EIF2AK4: variants seen among roughly 807,000 people sequenced by gnomAD.
EIF2AK4 encodes eIF-2-alpha kinase GCN2.
Under a neutral mutation model 211.1 loss-of-function variants are expected in EIF2AK4, and 139 were observed. That is an observed-to-expected ratio of 0.66 (90% CI 0.57 to 0.76). EIF2AK4 has a LOEUF of 0.76. Among genes scored for constraint, EIF2AK4 ranks in the 30% least tolerant of loss-of-function variants. The pLI, the probability that EIF2AK4 is intolerant of heterozygous loss-of-function variation, is 0.00. For missense variants in EIF2AK4, 1,664 were observed against 2,043.8 expected, an observed-to-expected ratio of 0.81 and a Z score of 3.58; for synonymous variants, 710 against 751.3, an observed-to-expected ratio of 0.94 and a Z score of 0.90.
At chr15:39,995,621 A>G (rs2035008393) in intron 18 of EIF2AK4, among the ~76,000 whole-genome samples, 1 of 151,260 alleles carries the variant, frequency 6.6e-6, no homozygotes, top group Non-Finnish European at 1.5e-5. Context: ...TCAATTATTT[A>G]ATAGTTATCT....
chr15:40,014,181 C>T (rs1380429858), intron 27 of EIF2AK4, among the ~76,000 whole-genome samples: 3 of 152,230 alleles, frequency 2.0e-5, no homozygotes, highest in African/African-American at 7.2e-5. Flanking sequence ...TGGCCTTGGG[C>T]AGCTCCCCAC....
intron 11 of EIF2AK4, chr15:39,974,428 T>A (rs1478867391): frequency 1.3e-5 from 2 of 152,194 alleles, no homozygotes; most frequent in Non-Finnish European, 2.9e-5. Context: ...TAACCCACCA[T>A]CAACTGAGTA....
intron 18 of EIF2AK4, among the ~76,000 whole-genome samples, chr15:39,995,723 G>A (rs2140930927): frequency 6.6e-6 from 1 of 151,252 alleles, no homozygotes; most frequent in East Asian, 1.9e-4. Context: ...CCTAGCTTAT[G>A]GAGGTATGAT....
At chr15:40,032,666 C>T in intron 36 of EIF2AK4, 91 bp from the exon 37 acceptor site, 1 of 1,201,002 alleles carries the variant, frequency 8.3e-7, no homozygotes, top group Non-Finnish European at 1.2e-6. Flanking sequence ...CTCTGCAAAC[C>T]CTATTCATAC....
chr15:39,951,127 TAAG>T (rs1322981856), intron 4 of EIF2AK4, among the ~76,000 whole-genome samples: 1 of 152,154 alleles, frequency 6.6e-6, no homozygotes, highest in Non-Finnish European at 1.5e-5. Flanking sequence ...TCAGGAATAA[TAAG>T]AGAATTTTTT....
chr15:39,957,724 C>T (rs1015891543), intron 6 of EIF2AK4, among the ~76,000 whole-genome samples: 2 of 152,198 alleles, frequency 1.3e-5, no homozygotes, highest in African/African-American at 4.8e-5. Flanking sequence ...GCCTGGTCAA[C>T]ATCTGATGCA....
intron 7 of EIF2AK4, among the ~76,000 whole-genome samples, chr15:39,964,324 G>A (rs1314182647): frequency 1.3e-5 from 2 of 152,188 alleles, no homozygotes; most frequent in Non-Finnish European, 2.9e-5. Flanking sequence ...TATGAAGATA[G>A]TATAGCATCA....
In EIF2AK4 at chr15:39,976,752, C is replaced by A. The variant is rs188526490; in HGVS notation, c.2157C>A (p.Ala719=). 5.2e-5 allele frequency: 83 copies of A among 1,599,106 alleles called. No homozygotes were observed. The African/African-American group carries it at 1.0e-3, about 20-fold the overall frequency. Residue 719 remains alanine, a synonymous_variant, in exon 12 of 39, where the codon GCC becomes GCA. Transcript: ENST00000263791. ...VEWSTSGERS[A]SARFPATGPG... is the part of the protein sequence containing the mutation. Reference sequence around the variant, plus strand: ...GGAGCACTTCGGGCGAGCGCTCGGCCAGTGCCCGTTTCCCCGCCACCGGCC... The same window carrying A: ...GGAGCACTTCGGGCGAGCGCTCGGCAAGTGCCCGTTTCCCCGCCACCGGCC...
intron 5 of EIF2AK4, 91 bp from the exon 6 acceptor site, chr15:39,955,529 T>C (rs747267745): frequency 7.6e-7 from 1 of 1,311,236 alleles, no homozygotes; most frequent in Non-Finnish European, 1.0e-6. Context: ...AGCTTAAAAT[T>C]TGCATTCTAT....
chr15:39,934,242 C>G lies in EIF2AK4; in HGVS notation c.47C>G (p.Pro16Arg), dbSNP rs922734815. 1 of 1,607,374 alleles carries G rather than the reference C, an allele frequency of 6.2e-7. No individual in the cohort carries two copies. The highest frequency in any genetic ancestry group is 8.5e-7 in the Non-Finnish European group (1 of 1,177,392). ...CCCGGGCGCGGCCGGGACGAGCCTC[C>G]GGAGAGCTACCCGCAACGACAGGAC... ...GAPGRGRDEPPESYPQRQDHE... is the reference protein window; with the variant it reads ...GAPGRGRDEPRESYPQRQDHE... Residue 16 changes from proline (P) to arginine (R), a missense_variant, in exon 1 of 39, where the codon CCG becomes CGG. Around this residue, in one of 7 missense-constraint regions of EIF2AK4, gnomAD observed 641 missense variants for 729.6 expected, o/e 0.88. Transcript: ENST00000263791.
chr15:39,997,063 G>A lies in EIF2AK4; in HGVS notation c.2866G>A (p.Asp956Asn). The change falls in exon 19 of 39, where the codon GAT (aspartate) becomes AAT (asparagine). Residue 956 changes from aspartate (D) to asparagine (N), a missense_variant and splice_region_variant. Physicochemically the swap from Asp to Asn is conservative, Grantham distance 23. Transcript: ENST00000263791. ...GATCTTTGTTCTCAACCAACTCAGA[G>A]ATGTATGTATCAGGTGTTTTAGTGC... ...ERIFVLNQLR[D>N]PTSPKFPEDF... 1 of 1,608,336 alleles carries A rather than the reference G, an allele frequency of 6.2e-7. No individual in the cohort carries two copies.
chr15:39,949,416 A>G, intron 4 of EIF2AK4, 148 bp downstream of exon 4: 1 of 1,170,302 alleles, frequency 8.5e-7, no homozygotes, highest in Non-Finnish European at 1.2e-6. Flanking sequence ...GAGAGTATGA[A>G]AAATATGAGT....
intron 32 of EIF2AK4, among the ~76,000 whole-genome samples, 196 bp from the exon 33 acceptor site, chr15:40,025,781 C>T (rs528017424): frequency 1.3e-5 from 2 of 152,114 alleles, no homozygotes; most frequent in East Asian, 3.9e-4. Flanking sequence ...CATCTCTGAC[C>T]GCTACCTACT....
chr15:39,965,807 T>A lies in EIF2AK4; in HGVS notation c.981T>A (p.Ser327Arg). Residue 327 changes from serine (S) to arginine (R), a missense_variant, in exon 8 of 39, where the codon AGT becomes AGA. Physicochemically the swap from Ser to Arg is moderately radical, Grantham distance 110. Transcript: ENST00000263791. ...WQKKMGPFLT[S>R]QEKEKIDKCK... ...AAAAAATGGGTCCATTCCTTACCAG[T>A]CAAGAAAAAGAGAAGATTGATAAGT... is the stretch of plus-strand genomic sequence containing the variant. 1 of 1,613,974 alleles carries A rather than the reference T, an allele frequency of 6.2e-7. No individual in the cohort carries two copies. The highest frequency in any genetic ancestry group is 8.5e-7 in the Non-Finnish European group (1 of 1,179,912).
intron 13 of EIF2AK4, among the ~76,000 whole-genome samples, chr15:39,979,998 G>A (rs2140920991): frequency 6.6e-6 from 1 of 152,310 alleles, no homozygotes; most frequent in South Asian, 2.1e-4. Flanking sequence ...GAAGGCAAAA[G>A]AATACAGAGC....
In EIF2AK4 at chr15:39,961,826, T is replaced by C. The variant is rs1439720352; in HGVS notation, c.786T>C (p.Pro262=). 10 of 1,614,088 alleles carry C rather than the reference T, an allele frequency of 6.2e-6. No individual in the cohort carries two copies. Among genetic ancestry groups the C allele is most frequent in the Non-Finnish European group, 8.5e-6 (10 of 1,180,028 alleles). ...QYSVCNSEDS[P]GSCEILYFNM... ...CTGTATGTAATAGTGAAGATTCTCC[T>C]GGCTCTTGTGAAATTCTGTATTTCA... The change falls in exon 7 of 39, where the codon CCT becomes CCC. Residue 262 remains proline (P), a synonymous_variant. Coordinates refer to ENST00000263791, the MANE Select transcript of EIF2AK4 (RefSeq NM_001013703.4).
intron 37 of EIF2AK4, 79 bp downstream of exon 37, chr15:40,032,880 C>A: frequency 8.1e-7 from 1 of 1,232,596 alleles, no homozygotes; most frequent in South Asian, 1.4e-5. Flanking sequence ...ATACTGAAGA[C>A]GGCATTCATT....
chr15:40,013,835 A>T (rs543602662), intron 27 of EIF2AK4, among the ~76,000 whole-genome samples: 1 of 152,226 alleles, frequency 6.6e-6, no homozygotes, highest in African/African-American at 2.4e-5. Flanking sequence ...CTCAAAACCA[A>T]TCATGCCTTC....
intron 2 of EIF2AK4, 100 bp from the exon 3 acceptor site, chr15:39,943,283 C>A (rs2034173105): frequency 2.3e-6 from 2 of 868,856 alleles, no homozygotes; most frequent in Non-Finnish European, 3.3e-6. Context: ...AGATTAAGGG[C>A]CTTGGGCCCA....
Sources: allele counts gnomAD v4.1 joint callset (sites outside exome capture counted in the v4.1 genomes callset), GRCh38; gene constraint gnomAD v4.1.1; regional missense constraint gnomAD v4.1.1; transcripts MANE v1.5; gene names NCBI Gene and HGNC (gene_info 2026-07-23, HGNC 2026-07-21).